GPR137: variants seen among roughly 807,000 people sequenced by gnomAD.
The protein encoded by GPR137 is integral membrane protein GPR137.
GPR137 carries 20 observed loss-of-function variants against 38.9 expected under a neutral mutation model. The observed-to-expected ratio is 0.51, with a 90% confidence interval of 0.36 to 0.75. The LOEUF is 0.75. GPR137 is among the 30% of genes least tolerant of loss of function. The pLI is 0.00. For synonymous variants in GPR137, 226 were observed against 235.8 expected, an observed-to-expected ratio of 0.96 and a Z score of 0.38; for missense variants, 456 against 526.4, an observed-to-expected ratio of 0.87 and a Z score of 1.31.
intron 1 of GPR137, among the ~76,000 whole-genome samples, chr11:64,276,054 T>C (rs1191933097): frequency 1.3e-5 from 2 of 152,158 alleles, no homozygotes; most frequent in African/African-American, 2.4e-5. Context: ...TTAGCTGTCA[T>C]GCCCCAGGCT....
upstream of GPR137, chr11:64,271,685 G>C (rs756625685): frequency 1.2e-5 from 17 of 1,477,160 alleles, no homozygotes; most frequent in South Asian, 5.3e-5. Context: ...CCCAGAGGTT[G>C]GGGGGCGCCG....
At chr11:64,284,811 G>A (rs541370892), upstream of GPR137, 277 of 1,482,348 alleles carry the variant, frequency 1.9e-4, 6 homozygotes, top group South Asian at 3.3e-3. Flanking sequence ...CCCCCCCGCC[G>A]GATCCAAGGC....
rs763418203 is a variant in GPR137, at chr11:64,289,122, A to T, written c.1117A>T (p.Thr373Ser). Residue 373 changes from threonine to serine, a missense_variant, in exon 7 of 7, where the codon ACT (threonine) becomes TCT (serine). By Grantham distance (58) the Thr-to-Ser change is moderately conservative (BLOSUM62 1). Transcript: ENST00000438980. ...GTATGGGGGCAGCCAGACGAAGACCACTCCTCTGCTCTTCTCCCAGGTGCC... is the reference window on the plus strand; with the variant it reads ...GTATGGGGGCAGCCAGACGAAGACCTCTCCTCTGCTCTTCTCCCAGGTGCC... ...GWYGGSQTKT[T>S]PLLFSQVPGP... The T allele has an allele frequency of 6.2e-7, 1 of 1,612,994 alleles. No homozygotes were observed. Among genetic ancestry groups the T allele is most frequent in the South Asian group, 1.1e-5 (1 of 91,064 alleles).
rs769690764 is a variant in GPR137, at chr11:64,286,904, G to A, written c.357+23G>A. The A allele has an allele frequency of 4.4e-6, 7 of 1,599,750 alleles. No homozygotes were observed. The African/African-American group carries it at 6.9e-5, about 16-fold the overall frequency. On this transcript the variant is annotated intron_variant, in intron 1 of 6. Transcript: ENST00000438980. ...CAGGTAACCAACTGTGGTCCCGGGTGGGGGGCGGGAGGTGGCAAGCCTCAA... is the reference window on the plus strand; with the variant it reads ...CAGGTAACCAACTGTGGTCCCGGGTAGGGGGCGGGAGGTGGCAAGCCTCAA...
chr11:64,284,482 A>C, upstream of GPR137: 1 of 1,586,666 alleles, frequency 6.3e-7, no homozygotes, highest in South Asian at 1.1e-5. Context: ...TAGCGCCCCC[A>C]GGCCCGCCAG....
chr11:64,273,594 T>TG (rs1459269976), upstream of GPR137, among the ~76,000 whole-genome samples: 4 of 149,790 alleles, frequency 2.7e-5, no homozygotes, highest in Non-Finnish European at 5.9e-5. Context: ...GAGAAGCAGG[T>TG]GGGGGGCTGG....
upstream of GPR137, among the ~76,000 whole-genome samples, chr11:64,281,994 C>T (rs529540571): frequency 5.3e-5 from 8 of 152,242 alleles, no homozygotes; most frequent in Non-Finnish European, 8.8e-5. Flanking sequence ...GTTGGAATTA[C>T]AGGCGTGAGC....
upstream of GPR137, among the ~76,000 whole-genome samples, chr11:64,279,974 AG>A (rs2033332048): frequency 6.6e-6 from 1 of 151,750 alleles, no homozygotes; most frequent in African/African-American, 2.4e-5. Context: ...ACTTGGGGCC[AG>A]GAGCTCAAGA....
chr11:64,278,463 T>C (rs1026436513), intron 2 of GPR137, among the ~76,000 whole-genome samples: 1 of 151,664 alleles, frequency 6.6e-6, no homozygotes, highest in Non-Finnish European at 1.5e-5. Context: ...ACTTAGCCCC[T>C]CCTCTGCGCC....
Position 64,286,305 on chromosome 11 carries a change from G to A in GPR137, c.-220G>A. On this transcript the variant is annotated 5_prime_UTR_variant, in exon 1 of 7. It removes an upstream start codon present in the reference 5' UTR. Coordinates refer to ENST00000438980, the MANE Select transcript of GPR137 (RefSeq NM_001170880.2). Reference sequence around the variant, plus strand: ...TGGAGAAAAGAGACTGCCCTTCCATGCCCCTGAGTGAGGGGCCTGGGGCCC... The same window carrying A: ...TGGAGAAAAGAGACTGCCCTTCCATACCCCTGAGTGAGGGGCCTGGGGCCC... The A allele has an allele frequency of 1.4e-6, 2 of 1,397,866 alleles. No homozygotes were observed. Among genetic ancestry groups the A allele is most frequent in the South Asian group, 3.5e-5 (2 of 57,548 alleles). 86.6% of individuals were successfully genotyped at this position (1,397,866 alleles called of 1,614,324 possible).
chr11:64,270,580 C>G (rs537295524), exon 1 of GPR137: 1 of 703,350 alleles, frequency 1.4e-6, no homozygotes, highest in East Asian at 2.7e-5. Flanking sequence ...TGCCTAGGGC[C>G]CTAAATGGAA....
At chr11:64,271,911 CCAGGGGCGCATCA>C (rs2135093644), upstream of GPR137, 1 of 932,734 alleles carries the variant, frequency 1.1e-6, no homozygotes, top group East Asian at 3.3e-5. Flanking sequence ...CGTGGGTCTT[CCAGGGGCGCATCA>C]CAGCCCACCT....
In GPR137 at chr11:64,285,939, C is replaced by T; in HGVS notation, c.-586C>T. On this transcript the variant is annotated 5_prime_UTR_variant, in exon 1 of 7. Transcript: ENST00000438980. ...GGCCTGAGGACCTGGCGTCCGCCTC[C>T]TCCCTCCCCTTGAGGCTGGAGCGTG... is the stretch of plus-strand genomic sequence containing the variant. The T allele has an allele frequency of 1.0e-6, 1 of 965,468 alleles. No individual in the cohort carries two copies. Among genetic ancestry groups the T allele is most frequent in the Non-Finnish European group, 1.2e-6 (1 of 811,754 alleles). The allele number at this position is 965,468 out of a possible 1,614,324, so 59.8% of individuals were successfully genotyped here. A position where few individuals can be genotyped will look rare whatever the true frequency, so the allele number is the denominator to read the frequency against.
Position 64,286,776 on chromosome 11 carries a change from TC to T in GPR137, c.256del (p.Arg86AlafsTer25). ...TCTTCTCCTTCTACTTCCGAGATAC[TC>T]CCCGCGCCAACCGCCTGGGGCCCTT... is the stretch of plus-strand genomic sequence containing the variant. ...TLFSFYFRDT[P>X]RANRLGPLPF... On this transcript the variant is annotated frameshift_variant, in exon 1 of 7. Coordinates refer to ENST00000438980, the MANE Select transcript of GPR137 (RefSeq NM_001170880.2). LOFTEE classifies it high-confidence loss of function. 1.2e-6 allele frequency: 2 copies of T among 1,610,470 alleles called. No individual in the cohort carries two copies. The highest frequency in any genetic ancestry group is 1.7e-6 in the Non-Finnish European group (2 of 1,177,722).
rs952971995 is a variant in GPR137 at position 64,285,968 on chromosome 11, G to A, written c.-557G>A. 2.0e-6 allele frequency: 2 copies of A among 976,336 alleles called. No individual in the cohort carries two copies. The highest frequency in any genetic ancestry group is 2.4e-6 in the Non-Finnish European group (2 of 821,662). 60.5% of individuals were successfully genotyped at this position (976,336 alleles called of 1,614,324 possible). On this transcript the variant is annotated 5_prime_UTR_variant, in exon 1 of 7. Transcript: ENST00000438980. ...CTCCCCTTGAGGCTGGAGCGTGGAC[G>A]CGGTGGGGGAGGGTGGGGCGGGGGC...
At chr11:64,271,522 G>A, upstream of GPR137, 1 of 1,290,574 alleles carries the variant, frequency 7.7e-7, no homozygotes, top group Non-Finnish European at 1.0e-6. Flanking sequence ...TGGGACTCCA[G>A]ATCCGGGCGT....
At chr11:64,284,570 C>G, upstream of GPR137, 8 of 1,493,584 alleles carry the variant, frequency 5.4e-6, no homozygotes, top group Non-Finnish European at 7.1e-6. Flanking sequence ...CTCAGTCTCC[C>G]CTCAGAACCC....
At chr11:64,284,646 G>C, upstream of GPR137, 3 of 1,531,320 alleles carry the variant, frequency 2.0e-6, no homozygotes, top group Non-Finnish European at 2.6e-6. Context: ...GCCCGATCTC[G>C]AGGCCCCTGA....
At chr11:64,287,262 G>A in intron 2 of GPR137, 2 of 985,424 alleles carry the variant, frequency 2.0e-6, no homozygotes. Context: ...CACCATGGAG[G>A]GCGAGCTGGA....
Sources: gnomAD v4.1 joint callset for allele counts (sites outside exome capture counted in the v4.1 genomes callset) on GRCh38, gnomAD v4.1.1 for gene constraint, MANE v1.5 for transcripts, NCBI Gene and HGNC (gene_info 2026-07-23, HGNC 2026-07-21) for gene names.